Variants in KATNIP observed in about 807,000 individuals in gnomAD.
KATNIP encodes the protein katanin-interacting protein.
Under a neutral mutation model 174.0 loss-of-function variants are expected in KATNIP, and 126 were observed. That is an observed-to-expected ratio of 0.72 (90% CI 0.63 to 0.84). KATNIP has a LOEUF of 0.84. KATNIP is among the 40% of genes least tolerant of loss of function. The pLI is 0.00. For synonymous variants in KATNIP, 810 were observed against 835.7 expected (o/e 0.97, Z 0.53); for missense variants, 1,958 against 2,109.7 (o/e 0.93, Z 1.41).
chr16:27,737,441 A>G (rs1436946909), intron 14 of KATNIP, among the ~76,000 whole-genome samples: 1 of 152,110 alleles, frequency 6.6e-6, no homozygotes, highest in Non-Finnish European at 1.5e-5. Flanking sequence ...CCTGTTAGAT[A>G]TCCAGGAAGA....
At position 27,698,352 on chromosome 16, in the gene KATNIP, C is replaced by T; in HGVS notation, c.965C>T (p.Pro322Leu). 5 of 1,611,852 alleles carry T rather than the reference C, an allele frequency of 3.1e-6. No individual in the cohort carries two copies. The highest frequency in any genetic ancestry group is 4.2e-6 in the Non-Finnish European group (5 of 1,178,814). ...GGACCTGGAAGCCGGCGAGAGAGAC[C>T]CCTGTCTGCAACCCGCAAAACTCTT... ...CSRPGSRRER[P>L]LSATRKTLCE... is the part of the protein sequence containing the mutation. Residue 322 changes from proline to leucine, a missense_variant, in exon 9 of 28, where the codon CCC becomes CTC. Around this residue, in one of 3 missense-constraint regions of KATNIP, gnomAD observed 1,557 missense variants for 1,617.8 expected, o/e 0.96. Transcript: ENST00000261588.
chr16:27,735,433 G>A (rs965583341), intron 14 of KATNIP, among the ~76,000 whole-genome samples: 4 of 152,192 alleles, frequency 2.6e-5, no homozygotes, highest in African/African-American at 9.7e-5. Context: ...AAAGGAAGGT[G>A]TTTCTGTCTC....
intron 1 of KATNIP, among the ~76,000 whole-genome samples, chr16:27,565,192 G>A (rs1322632377): frequency 9.9e-5 from 15 of 151,514 alleles, no homozygotes; most frequent in African/African-American, 1.9e-4. Flanking sequence ...GAGTCCAGGC[G>A]CGGTGGCTCA....
At chr16:27,766,924 G>A (rs1231829434) in intron 20 of KATNIP, among the ~76,000 whole-genome samples, 1 of 152,166 alleles carries the variant, frequency 6.6e-6, no homozygotes, top group Admixed American at 6.5e-5. Context: ...GCCCATCCAA[G>A]GCCACACAGC....
intron 14 of KATNIP, among the ~76,000 whole-genome samples, chr16:27,733,221 GT>G (rs2080761811): frequency 6.6e-6 from 1 of 152,224 alleles, no homozygotes; most frequent in Non-Finnish European, 1.5e-5. Flanking sequence ...TTGTTGGGCA[GT>G]TGTGTGTTCA....
chr16:27,709,602 G>A (rs2079482647), intron 13 of KATNIP, among the ~76,000 whole-genome samples: 1 of 152,146 alleles, frequency 6.6e-6, no homozygotes, highest in Admixed American at 6.5e-5. Context: ...TTGTGCCACT[G>A]CATTCCAGCC....
chr16:27,587,131 C>T (rs541337029), intron 2 of KATNIP, among the ~76,000 whole-genome samples: 3 of 152,112 alleles, frequency 2.0e-5, no homozygotes, highest in Admixed American at 6.5e-5. Context: ...CCTCTCTGCG[C>T]GTCAGTTTCC....
Position 27,559,056 on chromosome 16 carries a change from G to A in KATNIP, c.7+8879G>A, listed in dbSNP as rs568696115. Among the ~76,000 whole-genome samples the A allele has an allele frequency of 1.4e-4, 22 of 152,268 alleles. 1 individual carries two copies. The highest frequency in any genetic ancestry group is 5.1e-4 in the African/African-American group (21 of 41,560). ...GGTACCCGTTTTGACTACATTCCCA[G>A]CTCCCTCAGCATCTGGTCCCATGAC... On this transcript the variant is annotated intron_variant, in intron 1 of 27. Transcript: ENST00000261588.
chr16:27,621,785 G>T (rs368578518), intron 3 of KATNIP, among the ~76,000 whole-genome samples: 2 of 144,996 alleles, frequency 1.4e-5, no homozygotes, highest in African/African-American at 2.8e-5. Context: ...GAGAGAGGGT[G>T]GGGGGGAGGT....
chr16:27,679,338 T>C (rs1405216496), intron 7 of KATNIP, among the ~76,000 whole-genome samples: 1 of 152,294 alleles, frequency 6.6e-6, no homozygotes, highest in East Asian at 1.9e-4. Context: ...AATCTCCTCT[T>C]CTTAGGAGAA....
chr16:27,716,785 G>C (rs578194726), intron 13 of KATNIP, among the ~76,000 whole-genome samples: 3 of 152,160 alleles, frequency 2.0e-5, no homozygotes, highest in African/African-American at 7.2e-5. Flanking sequence ...CCACTGATCT[G>C]TTCCTCTACC....
Position 27,779,758 on chromosome 16 carries a change from C to G in KATNIP, c.*1129C>G, listed in dbSNP as rs546074686. Reference sequence around the variant, plus strand: ...TCTATATGCATCGATGTAACAAGCTCGGATCAGGGACCTAATTGGTTTCCC... The same window carrying G: ...TCTATATGCATCGATGTAACAAGCTGGGATCAGGGACCTAATTGGTTTCCC... On this transcript the variant is annotated 3_prime_UTR_variant, in exon 28 of 28. Coordinates refer to ENST00000261588, the MANE Select transcript of KATNIP (RefSeq NM_015202.5). The G allele has an allele frequency of 1.3e-5, 2 of 152,074 alleles. No homozygotes were observed. The highest frequency in any genetic ancestry group is 2.4e-5 in the African/African-American group (1 of 41,382). The allele number at this position is 152,074 out of a possible 1,614,324, so 9.4% of individuals were successfully genotyped here. A position where few individuals can be genotyped will look rare whatever the true frequency, so the allele number is the denominator to read the frequency against.
In KATNIP at chr16:27,740,881, G is replaced by A; in HGVS notation, c.2584G>A (p.Gly862Ser). Residue 862 changes from glycine (G) to serine (S), a missense_variant, in exon 15 of 28, where the codon GGC becomes AGC. Transcript: ENST00000261588. ...GAGGAGGGGCTCAAGGAAGGATGCT[G>A]GCAGCAGTAGTCATGGGGACGACCA... Reference protein sequence around the residue: ...SGRRGSRKDAGSSSHGDDQPA... With the variant: ...SGRRGSRKDASSSSHGDDQPA... The A allele has an allele frequency of 6.2e-7, 1 of 1,606,000 alleles. No individual in the cohort carries two copies. Among genetic ancestry groups the A allele is most frequent in the South Asian group, 1.1e-5 (1 of 89,588 alleles).
In KATNIP at chr16:27,775,031, A is replaced by G; in HGVS notation, c.4396A>G (p.Asn1466Asp). ...RTPDKLIDQV[N>D]DTSDGRHMWL... The stretch of plus-strand genomic sequence containing the variant: ...CCCAGACAAGCTCATCGACCAAGTG[A>G]ACGACACCAGTGATGGCCGGCACAT... The change falls in exon 24 of 28, where the codon AAC becomes GAC. Residue 1466 changes from asparagine (N) to aspartate (D), a missense_variant. Asn to Asp is a conservative substitution (Grantham distance 23, BLOSUM62 1). This residue lies in a region of KATNIP where 383 missense variants were observed against 456.0 expected (regional missense o/e 0.84). Coordinates refer to ENST00000261588, the MANE Select transcript of KATNIP (RefSeq NM_015202.5). 6.2e-7 allele frequency: 1 copy of G among 1,613,532 alleles called. No homozygotes were observed. Among genetic ancestry groups the G allele is most frequent in the Non-Finnish European group, 8.5e-7 (1 of 1,179,860 alleles).
At position 27,656,419 on chromosome 16, in the gene KATNIP, GAAAAAAAAAA is replaced by G. The variant is rs927275425; in HGVS notation, c.540+7696_540+7705del. ...GGCAACAGAGTGAGACTCTGTCTCA[GAAAAAAAAAA>G]AAAAAAAAAAAGGAAGAAAAAAAAG... On this transcript the variant is annotated intron_variant, in intron 6 of 27. Transcript: ENST00000261588. Among the ~76,000 whole-genome samples the G allele has an allele frequency of 2.8e-3, 95 of 34,444 alleles. 1 individual carries two copies. The South Asian group carries it at 0.06, about 22-fold the overall frequency. 22.6% of individuals were successfully genotyped at this position (34,444 alleles called of 152,430 possible).
At chr16:27,690,375 A>AGATGATAGATAGATC (rs1390309799) in intron 8 of KATNIP, among the ~76,000 whole-genome samples, 1 of 135,010 alleles carries the variant, frequency 7.4e-6, no homozygotes, top group African/African-American at 2.7e-5. Flanking sequence ...ATAGATAGAT[A>AGATGATAGATAGATC]GATAGATAGA....
intron 13 of KATNIP, among the ~76,000 whole-genome samples, chr16:27,715,581 A>G (rs2079896829): frequency 1.3e-5 from 2 of 152,234 alleles, no homozygotes; most frequent in Admixed American, 6.5e-5. Flanking sequence ...CAAAGAAAAA[A>G]ACCGTAATGA....
chr16:27,680,267 G>A (rs2078283041), intron 7 of KATNIP, among the ~76,000 whole-genome samples: 1 of 152,150 alleles, frequency 6.6e-6, no homozygotes, highest in South Asian at 2.1e-4. Flanking sequence ...AGCAGCAAGT[G>A]GTCAGGGCAG....
chr16:27,752,056 T>A, intron 17 of KATNIP, 132 bp downstream of exon 17: 1 of 600,556 alleles, frequency 1.7e-6, no homozygotes. Flanking sequence ...TTTCCCATCT[T>A]TCTACTTTGT....
Sources: gnomAD v4.1 joint callset for allele counts (sites outside exome capture counted in the v4.1 genomes callset) on GRCh38, gnomAD v4.1.1 for gene constraint, gnomAD v4.1.1 regional missense constraint, MANE v1.5 for transcripts, NCBI Gene and HGNC (gene_info 2026-07-23, HGNC 2026-07-21) for gene names.